TEX9: variants seen among roughly 807,000 people sequenced by gnomAD.
TEX9 encodes testis-expressed protein 9.
TEX9 carries 74 observed loss-of-function variants against 59.6 expected under a neutral mutation model. The ratio of observed to expected loss-of-function variants is 1.24; its 90% CI spans 1.03 to 1.51. The LOEUF is 1.51. Among genes scored for constraint, TEX9 ranks in the 40% most tolerant of loss-of-function variants. The pLI is 0.00. For missense variants in TEX9, 522 were observed against 447.8 expected (o/e 1.17, Z -1.49); for synonymous variants, 186 against 152.2 (o/e 1.22, Z -1.64).
chr15:56,275,069 C>A (rs1229311721), intron 1 of TEX9, among the ~76,000 whole-genome samples: 1 of 152,162 alleles, frequency 6.6e-6, no homozygotes, highest in Admixed American at 6.5e-5. Flanking sequence ...TAGCCTCATT[C>A]TTCAGTAGAT....
At chr15:56,347,047 G>A (rs930229666) in intron 1 of TEX9, among the ~76,000 whole-genome samples, 21 of 152,296 alleles carry the variant, frequency 1.4e-4, no homozygotes, top group Non-Finnish European at 2.9e-4. Context: ...CTTGTATGGT[G>A]AAATCTGCAC....
At chr15:56,432,394 G>A (rs1353190843) in intron 12 of TEX9, among the ~76,000 whole-genome samples, 2 of 152,090 alleles carry the variant, frequency 1.3e-5, no homozygotes, top group South Asian at 2.1e-4. Context: ...TATGATTTTC[G>A]TAGAGGTAGA....
intron 1 of TEX9, among the ~76,000 whole-genome samples, chr15:56,269,653 CTTTTTTT>C (rs1309147898): frequency 7.6e-6 from 1 of 131,350 alleles, no homozygotes; most frequent in African/African-American, 2.9e-5. Flanking sequence ...CTTTTCTTTT[CTTTTTTT>C]TTTTTTTTTT....
the TEX9 span, among the ~76,000 whole-genome samples, chr15:56,455,073 T>C: frequency 6.6e-6 from 1 of 152,116 alleles, no homozygotes; most frequent in Non-Finnish European, 1.5e-5. Flanking sequence ...AATGCCAAGC[T>C]TGCATTCTGG....
rs113762916 is a variant in TEX9 at position 56,245,085 on chromosome 15, C to T, written c.-107+807C>T. On this transcript the variant is annotated intron_variant, in intron 1 of 5. Transcript: ENST00000560827. ...GGTTTCTACCTGTTAGATCCTCTGG[C>T]CACTTTCCTGCTGTGTGTGGACTTT... 5.9e-3 allele frequency among the ~76,000 whole-genome samples: 893 copies of T among 152,230 alleles called. 4 individuals carry two copies. The highest frequency in any genetic ancestry group is 0.01 in the Middle Eastern group (3 of 294).
intron 12 of TEX9, among the ~76,000 whole-genome samples, chr15:56,439,492 CTG>C (rs1377226586): frequency 2.0e-5 from 3 of 151,908 alleles, no homozygotes; most frequent in African/African-American, 7.3e-5. Flanking sequence ...GTATTCAAAA[CTG>C]TGTAGTATTG....
At chr15:56,330,737 A>G (rs1355091526) in intron 1 of TEX9, among the ~76,000 whole-genome samples, 1 of 152,068 alleles carries the variant, frequency 6.6e-6, no homozygotes, top group Non-Finnish European at 1.5e-5. Context: ...ATCAAAAAGG[A>G]AGATAAGAAA....
chr15:56,448,016 GATA>G, downstream of TEX9, among the ~76,000 whole-genome samples: 1 of 152,090 alleles, frequency 6.6e-6, no homozygotes, highest in Non-Finnish European at 1.5e-5. Context: ...TAAGATTATA[GATA>G]TCCACTCGCA....
intron 6 of TEX9, among the ~76,000 whole-genome samples, chr15:56,389,725 C>G (rs1405988101): frequency 4.0e-5 from 6 of 151,458 alleles, no homozygotes; most frequent in Non-Finnish European, 7.4e-5. Flanking sequence ...CTAGTTCTCC[C>G]AAATAGGCTC....
At chr15:56,310,085 T>G (rs1410073734) in intron 1 of TEX9, among the ~76,000 whole-genome samples, 55 of 152,168 alleles carry the variant, frequency 3.6e-4, no homozygotes. Context: ...AGGCAGGCAC[T>G]TTAAGGGAGA....
intron 5 of TEX9, 85 bp downstream of exon 5, chr15:56,388,605 A>AG: frequency 8.7e-7 from 1 of 1,152,244 alleles, no homozygotes; most frequent in South Asian, 1.3e-5. Context: ...AAAGCAGAGA[A>AG]GGGGTATGAC....
At chr15:56,350,688 TATC>T (rs1156402975) in intron 1 of TEX9, among the ~76,000 whole-genome samples, 8 of 152,214 alleles carry the variant, frequency 5.3e-5, no homozygotes, top group African/African-American at 1.7e-4. Context: ...GTCCCATAAA[TATC>T]ATACTTTTTT....
rs113279244 is a variant in TEX9 at position 56,373,401 on chromosome 15, T to G, written c.120-40T>G. 524 of 1,566,514 alleles carry G rather than the reference T, an allele frequency of 3.3e-4. 1 individual carries two copies. Among genetic ancestry groups the G allele is most frequent in the Middle Eastern group, 2.6e-3 (14 of 5,362 alleles). On this transcript the variant is annotated intron_variant, in intron 2 of 12. Coordinates refer to ENST00000352903, the Ensembl canonical transcript of TEX9. Reference sequence around the variant, plus strand: ...TGCTGAAGTTTATTTTTTATTTTTGTTAAGATCTTCAGTATATCCCAATTA... The same window carrying G: ...TGCTGAAGTTTATTTTTTATTTTTGGTAAGATCTTCAGTATATCCCAATTA...
intron 1 of TEX9, among the ~76,000 whole-genome samples, chr15:56,330,965 A>T (rs2046127198): frequency 6.6e-6 from 1 of 152,196 alleles, no homozygotes; most frequent in African/African-American, 2.4e-5. Flanking sequence ...GAAATGGAAA[A>T]AGGTATTCCA....
chr15:56,335,605 G>C (rs1293267674), intron 1 of TEX9, among the ~76,000 whole-genome samples: 1 of 152,108 alleles, frequency 6.6e-6, no homozygotes, highest in African/African-American at 2.4e-5. Context: ...GGTGATTATA[G>C]TAAAAACTAA....
chr15:56,353,947 T>C (rs1412050216), intron 1 of TEX9, among the ~76,000 whole-genome samples: 1 of 152,242 alleles, frequency 6.6e-6, no homozygotes, highest in Admixed American at 6.5e-5. Context: ...TGCCTATTGC[T>C]CAATCTTTCC....
At chr15:56,284,470 A>G (rs1443916388) in intron 1 of TEX9, among the ~76,000 whole-genome samples, 4 of 152,072 alleles carry the variant, frequency 2.6e-5, no homozygotes, top group Non-Finnish European at 4.4e-5. Context: ...TGTATGTGAT[A>G]GCATGTAAAA....
exon 7 of TEX9, chr15:56,391,350 T>A (rs753491597): frequency 6.2e-7 from 1 of 1,600,674 alleles, no homozygotes; most frequent in Non-Finnish European, 8.5e-7. Flanking sequence ...GAAGGGCAAC[T>A]GGAGGAAGAA....
At chr15:56,392,634 T>C (rs1455056855) in intron 7 of TEX9, among the ~76,000 whole-genome samples, 1 of 131,906 alleles carries the variant, frequency 7.6e-6, no homozygotes, top group East Asian at 2.2e-4. Context: ...ATAATTTATA[T>C]GTATAATAAT....
Sources: gnomAD v4.1 joint callset for allele counts (sites outside exome capture counted in the v4.1 genomes callset) on GRCh38, gnomAD v4.1.1 for gene constraint, MANE v1.5 for transcripts, NCBI Gene and HGNC (gene_info 2026-07-23, HGNC 2026-07-21) for gene names.